The following ADARB1 variants were observed in gnomAD, a reference collection of about 807,000 sequenced individuals.
ADARB1 encodes the protein double-stranded RNA-specific editase 1.
A neutral mutation model predicts 52.4 loss-of-function variants in ADARB1; 10 were observed. The observed-to-expected ratio is 0.19, with a 90% confidence interval of 0.12 to 0.32. The LOEUF (loss-of-function observed/expected upper bound fraction) is 0.32. Ranked by LOEUF, ADARB1 falls within the 10% of genes least tolerant of loss-of-function variation. ADARB1 has a pLI of 1.00. For missense variants in ADARB1, 643 were observed against 922.3 expected, an observed-to-expected ratio of 0.70 and a Z score of 3.92; for synonymous variants, 349 against 371.1, an observed-to-expected ratio of 0.94 and a Z score of 0.68.
chr21:45,086,897 A>G (rs1227348212), intron 1 of ADARB1, among the ~76,000 whole-genome samples: 1 of 152,226 alleles, frequency 6.6e-6, no homozygotes, highest in Non-Finnish European at 1.5e-5. Flanking sequence ...AATGCTAGCA[A>G]GGGCCATTTA....
intron 3 of ADARB1, 143 bp from the exon 4 acceptor site, chr21:45,175,585 ACT>A (rs2091659079): frequency 1.2e-6 from 1 of 813,204 alleles, no homozygotes. Context: ...TAAATGTATA[ACT>A]CTTCATGTAT....
chr21:45,106,895 T>C (rs1409381167), intron 1 of ADARB1, among the ~76,000 whole-genome samples: 1 of 152,138 alleles, frequency 6.6e-6, no homozygotes, highest in Non-Finnish European at 1.5e-5. Flanking sequence ...GCAGTTTCAT[T>C]AGTCAATATG....
chr21:45,206,512 G>A (rs891469279), intron 9 of ADARB1, among the ~76,000 whole-genome samples: 1 of 139,400 alleles, frequency 7.2e-6, no homozygotes, highest in African/African-American at 2.6e-5. Flanking sequence ...AGACTTCAAA[G>A]TTACTGATGC....
At chr21:45,083,684 A>T (rs894878736) in intron 1 of ADARB1, among the ~76,000 whole-genome samples, 2 of 152,240 alleles carry the variant, frequency 1.3e-5, no homozygotes, top group Non-Finnish European at 2.9e-5. Context: ...TGGAGGCTTA[A>T]AGGAATTACA....
intron 2 of ADARB1, among the ~76,000 whole-genome samples, chr21:45,134,488 C>T (rs532191280): frequency 2.7e-4 from 40 of 149,032 alleles, no homozygotes; most frequent in African/African-American, 8.9e-4. Flanking sequence ...GGCAGGGGTA[C>T]GTACACTCGG....
At chr21:45,162,156 C>G (rs1017140325) in intron 2 of ADARB1, among the ~76,000 whole-genome samples, 2 of 152,180 alleles carry the variant, frequency 1.3e-5, no homozygotes, top group Non-Finnish European at 2.9e-5. Context: ...GGAGCCCAGA[C>G]CTAGGAGCTC....
intron 1 of ADARB1, among the ~76,000 whole-genome samples, chr21:45,080,657 T>G (rs1462535798): frequency 6.6e-6 from 1 of 152,250 alleles, no homozygotes; most frequent in East Asian, 1.9e-4. Flanking sequence ...GAAATGGAAT[T>G]TTTTATTTAT....
chr21:45,182,877 A>G, intron 6 of ADARB1, 124 bp downstream of exon 6: 1 of 944,910 alleles, frequency 1.1e-6, no homozygotes, highest in East Asian at 2.7e-5. Context: ...CATAACTTTA[A>G]TTAGTAACAA....
Position 45,222,303 on chromosome 21 carries a change from A to C in ADARB1, c.*106A>C. The C allele has an allele frequency of 4.0e-6, 3 of 741,904 alleles. No homozygotes were observed. The highest frequency in any genetic ancestry group is 1.9e-6 in the Non-Finnish European group (1 of 538,516). The allele number at this position is 741,904 out of a possible 1,614,324, so 46.0% of individuals were successfully genotyped here. On this transcript the variant is annotated 3_prime_UTR_variant, in exon 11 of 11. Transcript: ENST00000348831. Reference sequence around the variant, plus strand: ...CAGGTGCATACCTTGGGGAGGGAGTAGGGGGACACGGGGGACCACCAGGTG... The same window carrying C: ...CAGGTGCATACCTTGGGGAGGGAGTCGGGGGACACGGGGGACCACCAGGTG...
chr21:45,180,548 G>A (rs1429763625), intron 5 of ADARB1, 104 bp downstream of exon 5: 6 of 927,408 alleles, frequency 6.5e-6, no homozygotes, highest in Non-Finnish European at 1.0e-5. Context: ...ACGGGAGATG[G>A]TTACTTCTTT....
At chr21:45,184,887 A>G (rs752541905) in intron 7 of ADARB1, 36 bp from the exon 8 acceptor site, 2 of 1,566,408 alleles carry the variant, frequency 1.3e-6, no homozygotes, top group South Asian at 1.1e-5. Flanking sequence ...TAGATGGTTT[A>G]CTACCTGTGG....
Position 45,221,976 on chromosome 21 carries a change from T to TA in ADARB1, c.1927-41dup, listed in dbSNP as rs2092972729. 1 of 1,593,644 alleles carries TA rather than the reference T, an allele frequency of 6.3e-7. No homozygotes were observed. Among genetic ancestry groups the TA allele is most frequent in the Non-Finnish European group, 8.6e-7 (1 of 1,163,612 alleles). ...CTTATTAGGTGTTGTTTTCATCTGT[T>TA]ACAGCGTCAACAGTTGCATTTGTTT... is the stretch of plus-strand genomic sequence containing the variant. On this transcript the variant is annotated intron_variant, in intron 10 of 10. Coordinates refer to ENST00000348831, the MANE Select transcript of ADARB1 (RefSeq NM_001112.4). The surrounding 1 kb of genome is among the most constrained non-coding windows in gnomAD (Gnocchi z 4.9).
At chr21:45,083,698 C>CT (rs1408455820) in intron 1 of ADARB1, among the ~76,000 whole-genome samples, 2 of 152,126 alleles carry the variant, frequency 1.3e-5, no homozygotes, top group African/African-American at 2.4e-5. Context: ...AATTACACAT[C>CT]TTTTTTGTTT....
At chr21:45,096,403 G>C (rs75935900) in intron 1 of ADARB1, among the ~76,000 whole-genome samples, 1 of 152,258 alleles carries the variant, frequency 6.6e-6, no homozygotes, top group Admixed American at 6.5e-5. Flanking sequence ...CCCTGCACCA[G>C]CTGTGCCGGC....
In ADARB1 at chr21:45,225,313, G is replaced by T; in HGVS notation, c.*3116G>T. 1.7e-6 allele frequency: 2 copies of T among 1,202,392 alleles called. No homozygotes were observed. The highest frequency in any genetic ancestry group is 2.1e-6 in the Non-Finnish European group (2 of 969,440). 74.5% of individuals were successfully genotyped at this position (1,202,392 alleles called of 1,614,324 possible). A position where few individuals can be genotyped will look rare whatever the true frequency, so the allele number is the denominator to read the frequency against. On this transcript the variant is annotated 3_prime_UTR_variant, in exon 11 of 11. Coordinates refer to ENST00000348831, the MANE Select transcript of ADARB1 (RefSeq NM_001112.4). ...GGCCCACCTCTTCCCAGCAAGGGAC[G>T]CCAAAGAACTGCAGTTTTTATTCTG...
intron 2 of ADARB1, among the ~76,000 whole-genome samples, chr21:45,147,209 TAATTA>T (rs2090051915): frequency 6.6e-6 from 1 of 152,228 alleles, no homozygotes; most frequent in Non-Finnish European, 1.5e-5. Flanking sequence ...GGCAAGGGAA[TAATTA>T]AATTAATAAA....
intron 8 of ADARB1, among the ~76,000 whole-genome samples, chr21:45,188,171 A>G (rs557679952): frequency 3.3e-5 from 5 of 152,244 alleles, no homozygotes; most frequent in African/African-American, 7.2e-5. Flanking sequence ...CAGTGGCACA[A>G]TCTTGGCTCA....
At chr21:45,075,985 CTT>C (rs1017998078) in intron 1 of ADARB1, among the ~76,000 whole-genome samples, 2 of 152,132 alleles carry the variant, frequency 1.3e-5, no homozygotes, top group South Asian at 2.1e-4. Flanking sequence ...ATTTAATCCT[CTT>C]TGTTTCCTCT....
At chr21:45,165,158 G>T (rs532030785) in intron 2 of ADARB1, among the ~76,000 whole-genome samples, 3 of 152,080 alleles carry the variant, frequency 2.0e-5, no homozygotes, top group African/African-American at 4.8e-5. Flanking sequence ...TGGTTCTCCC[G>T]TGATGCATCC....
Sources: allele counts gnomAD v4.1 joint callset (sites outside exome capture counted in the v4.1 genomes callset), GRCh38; gene constraint gnomAD v4.1.1; non-coding constraint Gnocchi (gnomAD v3.1); transcripts MANE v1.5; gene names NCBI Gene and HGNC (gene_info 2026-07-23, HGNC 2026-07-21).